Variants in PDE1A observed in about 807,000 individuals in gnomAD.
PDE1A encodes the protein dual specificity calcium/calmodulin-dependent 3',5'-cyclic nucleotide phosphodiesterase 1A.
PDE1A carries 35 observed loss-of-function variants against 61.7 expected under a neutral mutation model. The observed-to-expected ratio is 0.57, with a 90% confidence interval of 0.43 to 0.75. PDE1A has a LOEUF of 0.75. Among genes scored for constraint, PDE1A ranks in the 30% least tolerant of loss-of-function variants. PDE1A has a pLI of 0.00. For missense variants in PDE1A, 597 were observed against 630.6 expected (o/e 0.95, Z 0.57); for synonymous variants, 232 against 213.2 (o/e 1.09, Z -0.77).
chr2:182,680,623 G>A, the PDE1A span, among the ~76,000 whole-genome samples: 1 of 152,184 alleles, frequency 6.6e-6, no homozygotes, highest in African/African-American at 2.4e-5. Context: ...CAGCTTGTGA[G>A]TTACTAGGAA....
chr2:182,527,407 A>G (rs369075697), upstream of PDE1A, among the ~76,000 whole-genome samples: 1 of 132,100 alleles, frequency 7.6e-6, no homozygotes, highest in Admixed American at 7.9e-5. Flanking sequence ...TATATACACA[A>G]AAAAGCCAGG....
chr2:182,536,949 C>G, the PDE1A span, among the ~76,000 whole-genome samples: 1 of 152,152 alleles, frequency 6.6e-6, no homozygotes, highest in African/African-American at 2.4e-5. Context: ...TAGTCCCCAG[C>G]TTCTTTAGTC....
chr2:182,236,034 A>C (rs944105536), intron 3 of PDE1A, among the ~76,000 whole-genome samples: 5 of 152,222 alleles, frequency 3.3e-5, no homozygotes, highest in Non-Finnish European at 7.3e-5. Context: ...GTTTAATTAC[A>C]TCTCTAGCCT....
chr2:182,242,048 G>C (rs905829166), intron 2 of PDE1A: 2 of 1,290,038 alleles, frequency 1.6e-6, no homozygotes, highest in Admixed American at 4.0e-5. Flanking sequence ...AGAACAAGTG[G>C]AATAGGAATC....
chr2:182,162,799 A>T (rs1195376885), intron 13 of PDE1A, among the ~76,000 whole-genome samples: 1 of 152,142 alleles, frequency 6.6e-6, no homozygotes, highest in African/African-American at 2.4e-5. Flanking sequence ...ATGGAGCTTT[A>T]GCTCAGGTCC....
chr2:182,669,153 T>C, the PDE1A span, among the ~76,000 whole-genome samples: 5 of 152,162 alleles, frequency 3.3e-5, no homozygotes, highest in African/African-American at 1.2e-4. Context: ...AAAGACCAAA[T>C]AACCTTTAAT....
the PDE1A span, among the ~76,000 whole-genome samples, chr2:182,670,800 G>T: frequency 6.6e-6 from 1 of 152,104 alleles, no homozygotes; most frequent in Non-Finnish European, 1.5e-5. Context: ...GGTAGAACCT[G>T]AGAGTCACTA....
chr2:182,656,114 T>C, the PDE1A span, among the ~76,000 whole-genome samples: 8 of 152,340 alleles, frequency 5.3e-5, no homozygotes, highest in Non-Finnish European at 7.4e-5. Context: ...TAGCTGCCAG[T>C]ATTTTACCTT....
At chr2:182,566,596 G>A in the PDE1A span, among the ~76,000 whole-genome samples, 1 of 152,006 alleles carries the variant, frequency 6.6e-6, no homozygotes, top group African/African-American at 2.4e-5. Flanking sequence ...TTCTCAAGAT[G>A]TAGTTTCATG....
chr2:182,143,320 AC>A (rs999304611), downstream of PDE1A, among the ~76,000 whole-genome samples: 1 of 149,286 alleles, frequency 6.7e-6, no homozygotes, highest in African/African-American at 2.5e-5. Flanking sequence ...TCAAAAAAAA[AC>A]ATGTTGCACA....
chr2:182,309,199 T>C (rs1328913815), intron 1 of PDE1A, among the ~76,000 whole-genome samples: 2 of 152,074 alleles, frequency 1.3e-5, no homozygotes, highest in Non-Finnish European at 2.9e-5. Flanking sequence ...ACAAGACTTA[T>C]TAACTATCCC....
At chr2:182,521,687 A>G (rs1690578413) in intron 2 of PDE1A, among the ~76,000 whole-genome samples, 1 of 152,122 alleles carries the variant, frequency 6.6e-6, no homozygotes, top group South Asian at 2.1e-4. Flanking sequence ...TGTACTATGG[A>G]CTATTCTGTA....
intron 2 of PDE1A, among the ~76,000 whole-genome samples, chr2:182,487,921 G>T (rs1216209504): frequency 6.6e-6 from 1 of 152,114 alleles, no homozygotes; most frequent in Non-Finnish European, 1.5e-5. Flanking sequence ...ATGTTCAAAA[G>T]GGGTTCATTA....
chr2:182,578,256 TG>T, the PDE1A span, among the ~76,000 whole-genome samples: 2 of 152,300 alleles, frequency 1.3e-5, no homozygotes, highest in African/African-American at 4.8e-5. Flanking sequence ...TTATACCTTA[TG>T]TATCTATTAA....
chr2:182,444,510 T>TA (rs1163497460), intron 2 of PDE1A, among the ~76,000 whole-genome samples: 1 of 152,176 alleles, frequency 6.6e-6, no homozygotes, highest in African/African-American at 2.4e-5. Context: ...TACTGTCTTG[T>TA]ATAAAGTAGC....
the PDE1A span, among the ~76,000 whole-genome samples, chr2:182,644,876 A>G: frequency 3.9e-5 from 6 of 152,202 alleles, 1 homozygote; most frequent in South Asian, 2.1e-4. Context: ...ATAAACACAT[A>G]TATTTGAAAA....
At chr2:182,381,093 G>A (rs1356972844) in intron 1 of PDE1A, among the ~76,000 whole-genome samples, 3 of 152,132 alleles carry the variant, frequency 2.0e-5, no homozygotes, top group Admixed American at 2.0e-4. Flanking sequence ...GAAGTGGTCA[G>A]GACAGGAATG....
chr2:182,379,421 C>T (rs1242746379), intron 1 of PDE1A, among the ~76,000 whole-genome samples: 1 of 152,184 alleles, frequency 6.6e-6, no homozygotes, highest in African/African-American at 2.4e-5. Context: ...AGCACATGGC[C>T]CTTGCTGACA....
At chr2:182,613,555 T>G in the PDE1A span, among the ~76,000 whole-genome samples, 1 of 147,778 alleles carries the variant, frequency 6.8e-6, no homozygotes, top group Non-Finnish European at 1.5e-5. Flanking sequence ...AGAGTGAGAC[T>G]CCATCTCAAA....
Sources: gnomAD v4.1 joint callset for allele counts (sites outside exome capture counted in the v4.1 genomes callset) on GRCh38, gnomAD v4.1.1 for gene constraint, MANE v1.5 for transcripts, NCBI Gene and HGNC (gene_info 2026-07-23, HGNC 2026-07-21) for gene names.